The following TIMP2 variants were observed in gnomAD, a reference collection of about 807,000 sequenced individuals.
The protein encoded by TIMP2 is TIMP metallopeptidase inhibitor 2, also known as metalloproteinase inhibitor 2.
In TIMP2, 5 loss-of-function variants were observed where a neutral mutation model predicts 24.3. The ratio of observed to expected loss-of-function variants is 0.21; its 90% CI spans 0.11 to 0.43. The LOEUF (loss-of-function observed/expected upper bound fraction) is 0.43, where lower values mean the gene tolerates loss of function less well. Among genes scored for constraint, TIMP2 ranks in the 20% least tolerant of loss-of-function variants. The pLI, the probability that TIMP2 is intolerant of heterozygous loss-of-function variation, is 1.00. For missense variants in TIMP2, 221 were observed against 297.5 expected, an observed-to-expected ratio of 0.74 and a Z score of 1.89; for synonymous variants, 130 against 123.2, an observed-to-expected ratio of 1.06 and a Z score of -0.37.
chr17:78,893,175 A>AGGGG (rs2069932491), intron 1 of TIMP2, among the ~76,000 whole-genome samples: 4 of 101,844 alleles, frequency 3.9e-5, no homozygotes, highest in African/African-American at 7.6e-5. Flanking sequence ...GTGTGCATAC[A>AGGGG]TGTGTGTGCA....
At chr17:78,858,209 G>A (rs1314002447) in intron 3 of TIMP2, among the ~76,000 whole-genome samples, 3 of 152,248 alleles carry the variant, frequency 2.0e-5, no homozygotes, top group African/African-American at 7.2e-5. Context: ...TTGGGAGGCC[G>A]CGGCAGGTGG....
intron 1 of TIMP2, among the ~76,000 whole-genome samples, chr17:78,918,067 C>T (rs2070276860): frequency 8.6e-6 from 1 of 115,692 alleles, no homozygotes; most frequent in East Asian, 3.2e-4. Flanking sequence ...CACACACAAA[C>T]ACACACACAC....
At chr17:78,857,968 G>A (rs1054100165) in intron 3 of TIMP2, among the ~76,000 whole-genome samples, 1 of 152,144 alleles carries the variant, frequency 6.6e-6, no homozygotes, top group African/African-American at 2.4e-5. Flanking sequence ...TACTTGGGAG[G>A]CTGAGGCAGG....
rs33915258 is a variant in TIMP2 at position 78,861,035 on chromosome 17, C to CAAAAA, written c.341-3394_341-3390dup. Among the ~76,000 whole-genome samples, 316 of 141,802 alleles carry CAAAAA rather than the reference C, an allele frequency of 2.2e-3. 4 individuals carry two copies. The highest frequency in any genetic ancestry group is 7.9e-3 in the African/African-American group (297 of 37,668). The allele number at this position is 141,802 out of a possible 152,430, so 93.0% of individuals were successfully genotyped here. A position where few individuals can be genotyped will look rare whatever the true frequency, so the allele number is the denominator to read the frequency against. Reference sequence around the variant, plus strand: ...TGGGCAACAGAGCAAGACTCCGTCTCAAAAAAAAAAAAAATCAAAATTAGA... The same window carrying CAAAAA: ...TGGGCAACAGAGCAAGACTCCGTCTCAAAAAAAAAAAAAAAAAAATCAAAATTAGA... On this transcript the variant is annotated intron_variant, in intron 3 of 4. Coordinates refer to ENST00000262768, the MANE Select transcript of TIMP2 (RefSeq NM_003255.5).
chr17:78,874,981 T>C (rs1002967517), intron 1 of TIMP2, among the ~76,000 whole-genome samples: 2 of 152,210 alleles, frequency 1.3e-5, no homozygotes, highest in African/African-American at 4.8e-5. Context: ...CCTCAGGTGA[T>C]CCACCTGCCT....
chr17:78,882,168 C>T (rs1332810996), intron 1 of TIMP2, among the ~76,000 whole-genome samples: 1 of 152,172 alleles, frequency 6.6e-6, no homozygotes, highest in Non-Finnish European at 1.5e-5. Flanking sequence ...GATGGGGTTT[C>T]ACCATGTTGG....
Position 78,924,976 on chromosome 17 carries a change from A to G in TIMP2, c.113T>C (p.Phe38Ser). The G allele has an allele frequency of 7.7e-7, 1 of 1,299,360 alleles. No homozygotes were observed. Among genetic ancestry groups the G allele is most frequent in the South Asian group, 2.2e-5 (1 of 46,470 alleles). The allele number at this position is 1,299,360 out of a possible 1,614,324, so 80.5% of individuals were successfully genotyped here. Reference sequence around the variant, plus strand: ...CTCCTTACCTACATCTGCATTGCAAAACGCCTGTTGCGGGTGCACCGGGGA... The same window carrying G: ...CTCCTTACCTACATCTGCATTGCAAGACGCCTGTTGCGGGTGCACCGGGGA... ...SCSPVHPQQA[F>S]CNADVVIRAK... is the part of the protein sequence containing the mutation. The change falls in exon 1 of 5, where the codon TTT becomes TCT. Residue 38 changes from phenylalanine to serine, a missense_variant. Coordinates refer to ENST00000262768, the MANE Select transcript of TIMP2 (RefSeq NM_003255.5). This position sits in a 1 kb window ranked among gnomAD's most constrained non-coding sequence, Gnocchi z 5.3.
At position 78,855,254 on chromosome 17, in the gene TIMP2, G is replaced by C. The variant is rs1239197658; in HGVS notation, c.*413C>G. On this transcript the variant is annotated 3_prime_UTR_variant, in exon 5 of 5. Transcript: ENST00000262768. This position sits in a 1 kb window ranked among gnomAD's most constrained non-coding sequence, Gnocchi z 6.0. The stretch of plus-strand genomic sequence containing the variant: ...AAGATGAAAGGGACCTGGTAGGCCT[G>C]CTACACAGTCTTGCAACGACCCTCA... 4.4e-6 allele frequency: 1 copy of C among 225,140 alleles called. No homozygotes were observed. The highest frequency in any genetic ancestry group is 2.2e-5 in the African/African-American group (1 of 44,926). The allele number at this position is 225,140 out of a possible 1,614,324, so 13.9% of individuals were successfully genotyped here.
chr17:78,903,271 C>CAGCT (rs1160071035), intron 1 of TIMP2: 1 of 152,368 alleles, frequency 6.6e-6, no homozygotes, highest in African/African-American at 2.4e-5. Context: ...AGGTCAGGGA[C>CAGCT]AGCTGTGAGC....
rs1030541227 is a variant in TIMP2, at chr17:78,896,846, G to A, written c.131-22927C>T. 5 of 868,110 alleles carry A rather than the reference G, an allele frequency of 5.8e-6. No individual in the cohort carries two copies. Among genetic ancestry groups the A allele is most frequent in the Non-Finnish European group, 5.5e-6 (4 of 722,996 alleles). The allele number at this position is 868,110 out of a possible 1,614,324, so 53.8% of individuals were successfully genotyped here. ...CTACAGCCCCGTGGCCCCAGCGCAG[G>A]AGCCAGCCCATGGCAGCTCCACCCC... On this transcript the variant is annotated intron_variant, in intron 1 of 4. Coordinates refer to ENST00000262768, the MANE Select transcript of TIMP2 (RefSeq NM_003255.5). The surrounding 1 kb of genome is among the most constrained non-coding windows in gnomAD (Gnocchi z 4.4).
Position 78,925,020 on chromosome 17 carries a change from C to A in TIMP2, c.69G>T (p.Pro23=). ...CCGGGGAGCAGCTGCAGGCGTCGGC[C>A]GGGCGAAGCAGCGTCGCCAGCAGCA... The part of the protein sequence containing the change: ...GLLLLATLLR[P]ADACSCSPVH... The change falls in exon 1 of 5, where the codon CCG becomes CCT. Residue 23 remains proline, a synonymous_variant. Coordinates refer to ENST00000262768, the MANE Select transcript of TIMP2 (RefSeq NM_003255.5). 2 of 1,226,268 alleles carry A rather than the reference C, an allele frequency of 1.6e-6. No homozygotes were observed. Among genetic ancestry groups the A allele is most frequent in the South Asian group, 2.4e-5 (1 of 41,838 alleles). 76.0% of individuals were successfully genotyped at this position (1,226,268 alleles called of 1,614,324 possible). A position where few individuals can be genotyped will look rare whatever the true frequency, so the allele number is the denominator to read the frequency against.
chr17:78,917,297 G>C (rs6501270), intron 1 of TIMP2, among the ~76,000 whole-genome samples: 64,894 of 146,880 alleles, frequency 0.44, 14,607 homozygotes, highest in Middle Eastern at 0.49. Flanking sequence ...GGGCATGGCA[G>C]CACACACCTG....
At chr17:78,880,683 GA>G (rs2069771806) in intron 1 of TIMP2, among the ~76,000 whole-genome samples, 1 of 152,192 alleles carries the variant, frequency 6.6e-6, no homozygotes, top group African/African-American at 2.4e-5. Flanking sequence ...CTGGGTGAAA[GA>G]ACCAGACCCT....
At chr17:78,885,588 G>A (rs1183330030) in intron 1 of TIMP2, among the ~76,000 whole-genome samples, 5 of 152,228 alleles carry the variant, frequency 3.3e-5, no homozygotes. Flanking sequence ...CTTCGGGGAG[G>A]ATTTAGGCTC....
intron 1 of TIMP2, among the ~76,000 whole-genome samples, chr17:78,919,196 C>T (rs2070289330): frequency 6.6e-6 from 1 of 152,254 alleles, no homozygotes; most frequent in Admixed American, 6.5e-5. Flanking sequence ...TGCCTTCTAC[C>T]AGGCTCCCTG....
At chr17:78,860,426 C>T (rs879178351) in intron 3 of TIMP2, among the ~76,000 whole-genome samples, 1 of 152,154 alleles carries the variant, frequency 6.6e-6, no homozygotes, top group African/African-American at 2.4e-5. Flanking sequence ...AGAAACACAG[C>T]CCAGCGAAGG....
chr17:78,877,507 C>A (rs1015671959), intron 1 of TIMP2, among the ~76,000 whole-genome samples: 2 of 151,876 alleles, frequency 1.3e-5, no homozygotes, highest in African/African-American at 4.8e-5. Flanking sequence ...TGAGATCATG[C>A]CACTGCACTC....
chr17:78,898,253 G>C (rs2070034224), intron 1 of TIMP2: 1 of 152,254 alleles, frequency 6.6e-6, no homozygotes, highest in Non-Finnish European at 1.5e-5. Context: ...CAATCTGACA[G>C]GGAAATTGAG....
At position 78,891,838 on chromosome 17, in the gene TIMP2, C is replaced by A; in HGVS notation, c.131-17919G>T. On this transcript the variant is annotated intron_variant, in intron 1 of 4. Coordinates refer to ENST00000262768, the MANE Select transcript of TIMP2 (RefSeq NM_003255.5). This position sits in a 1 kb window ranked among gnomAD's most constrained non-coding sequence, Gnocchi z 4.5. The stretch of plus-strand genomic sequence containing the variant: ...TCGAAGGTTCTGGCCTTCCCTTTCT[C>A]TTCTCAGGCGGGGCCAGGTGAGAAT... The A allele has an allele frequency of 6.4e-7, 1 of 1,550,796 alleles. No homozygotes were observed. Among genetic ancestry groups the A allele is most frequent in the Admixed American group, 2.0e-5 (1 of 51,008 alleles).
Sources: allele counts gnomAD v4.1 joint callset (sites outside exome capture counted in the v4.1 genomes callset), GRCh38; gene constraint gnomAD v4.1.1; non-coding constraint Gnocchi (gnomAD v3.1); transcripts MANE v1.5; gene names NCBI Gene and HGNC (gene_info 2026-07-23, HGNC 2026-07-21).